TRIM33: variants seen among roughly 807,000 people sequenced by gnomAD.
The protein encoded by TRIM33 is tripartite motif containing 33, also known as E3 ubiquitin-protein ligase TRIM33.
Under a neutral mutation model 125.4 loss-of-function variants are expected in TRIM33, and 20 were observed. That is an observed-to-expected ratio of 0.16 (90% CI 0.11 to 0.23). The LOEUF (loss-of-function observed/expected upper bound fraction) is 0.23. Among genes scored for constraint, TRIM33 ranks in the 10% least tolerant of loss-of-function variants. The pLI, the probability that TRIM33 is intolerant of heterozygous loss-of-function variation, is 1.00. For synonymous variants in TRIM33, 564 were observed against 513.9 expected, an observed-to-expected ratio of 1.10 and a Z score of -1.32; for missense variants, 920 against 1,411.4, an observed-to-expected ratio of 0.65 and a Z score of 5.58.
At chr1:114,484,236 C>T (rs1651531541) in intron 1 of TRIM33, among the ~76,000 whole-genome samples, 1 of 152,182 alleles carries the variant, frequency 6.6e-6, no homozygotes, top group Non-Finnish European at 1.5e-5. Context: ...TGGAAACTTA[C>T]AGACTTAAAT....
At chr1:114,490,081 T>A (rs1651957546) in intron 1 of TRIM33, among the ~76,000 whole-genome samples, 2 of 63,360 alleles carry the variant, frequency 3.2e-5, no homozygotes, top group Non-Finnish European at 5.5e-5. Context: ...CGAGACTCCG[T>A]CTCAAAAAAA....
intron 1 of TRIM33, among the ~76,000 whole-genome samples, chr1:114,470,312 TTC>T (rs1312190782): frequency 2.0e-5 from 3 of 152,198 alleles, no homozygotes; most frequent in African/African-American, 7.2e-5. Flanking sequence ...CTGTGCGTCT[TTC>T]TGTTACATTT....
intron 1 of TRIM33, among the ~76,000 whole-genome samples, chr1:114,506,574 C>T (rs545836475): frequency 6.6e-6 from 1 of 152,148 alleles, no homozygotes; most frequent in Non-Finnish European, 1.5e-5. Context: ...TGCTATGTTA[C>T]TCAGGCTGAT....
intron 1 of TRIM33, among the ~76,000 whole-genome samples, chr1:114,474,003 G>A (rs1484204845): frequency 6.6e-6 from 1 of 152,064 alleles, no homozygotes; most frequent in East Asian, 1.9e-4. Flanking sequence ...GGCTTAAGCA[G>A]TCCTCCTGCA....
chr1:114,417,736 G>A (rs2101131007), intron 11 of TRIM33, among the ~76,000 whole-genome samples: 1 of 152,184 alleles, frequency 6.6e-6, no homozygotes, highest in South Asian at 2.1e-4. Flanking sequence ...TCGGCTCACT[G>A]GAACCTCCAC....
Position 114,397,317 on chromosome 1 carries a change from C to G in TRIM33, c.*331G>C, listed in dbSNP as rs979674994. On this transcript the variant is annotated 3_prime_UTR_variant, in exon 20 of 20. Transcript: ENST00000358465. ...AAGTATTTACTCGTATACCAAGTAT[C>G]CTGCACCAATCAATAGCACACAATC... is the stretch of plus-strand genomic sequence containing the variant. 2 of 384,064 alleles carry G rather than the reference C, an allele frequency of 5.2e-6. No homozygotes were observed. Among genetic ancestry groups the G allele is most frequent in the Non-Finnish European group, 9.5e-6 (2 of 211,140 alleles). 23.8% of individuals were successfully genotyped at this position (384,064 alleles called of 1,614,324 possible). A position where few individuals can be genotyped will look rare whatever the true frequency, so the allele number is the denominator to read the frequency against.
At chr1:114,490,333 C>A (rs1651987422) in intron 1 of TRIM33, among the ~76,000 whole-genome samples, 1 of 151,952 alleles carries the variant, frequency 6.6e-6, no homozygotes, top group African/African-American at 2.4e-5. Flanking sequence ...AAATCAAAAC[C>A]ACAATGAAAT....
Position 114,489,729 on chromosome 1 carries a change from A to G in TRIM33, c.526+20822T>C, listed in dbSNP as rs571318541. 2.0e-5 allele frequency among the ~76,000 whole-genome samples: 3 copies of G among 152,302 alleles called. No individual in the cohort carries two copies. The South Asian group carries it at 6.2e-4, about 32-fold the overall frequency. ...CACTGCACTCCAGCCTGGGGAACAG[A>G]GCAAGACCCTGTCTCAAAAAATAAA... is the stretch of plus-strand genomic sequence containing the variant. On this transcript the variant is annotated intron_variant, in intron 1 of 19. Coordinates refer to ENST00000358465, the MANE Select transcript of TRIM33 (RefSeq NM_015906.4).
rs1381254367 is a variant in TRIM33 at position 114,510,889 on chromosome 1, T to A, written c.188A>T (p.Asp63Val). 1 of 1,442,166 alleles carries A rather than the reference T, an allele frequency of 6.9e-7. No individual in the cohort carries two copies. 89.3% of individuals were successfully genotyped at this position (1,442,166 alleles called of 1,614,324 possible). ...GGAGGCCGCGGCCACCCCCCCGTCGTCGGGCCCGGCCGCGCCGCCCTCAGC... is the reference window on the plus strand; with the variant it reads ...GGAGGCCGCGGCCACCCCCCCGTCGACGGGCCCGGCCGCGCCGCCCTCAGC... ...AGAEGGAAGP[D>V]DGGVAAASSG... Residue 63 changes from aspartate to valine, a missense_variant, in exon 1 of 20, where the codon GAC becomes GTC. Asp to Val is a radical substitution (Grantham distance 152). This residue lies in a region of TRIM33 where 233 missense variants were observed against 189.6 expected (regional missense o/e 1.23). Coordinates refer to ENST00000358465, the MANE Select transcript of TRIM33 (RefSeq NM_015906.4).
chr1:114,446,812 C>T (rs920710778), intron 4 of TRIM33, among the ~76,000 whole-genome samples: 2 of 152,054 alleles, frequency 1.3e-5, no homozygotes, highest in South Asian at 2.1e-4. Context: ...CCCAACACTT[C>T]GGGAGGCAGA....
intron 1 of TRIM33, among the ~76,000 whole-genome samples, chr1:114,480,521 TAAA>T (rs34437164): frequency 3.7e-5 from 4 of 108,600 alleles, no homozygotes; most frequent in South Asian, 3.0e-4. Context: ...TGCCCCGCCT[TAAA>T]AAAAAAAAAA....
At chr1:114,398,898 CAAA>C (rs372853872) in intron 18 of TRIM33, among the ~76,000 whole-genome samples, 1 of 60,798 alleles carries the variant, frequency 1.6e-5, no homozygotes, top group Non-Finnish European at 3.2e-5. Context: ...AACTTACCCT[CAAA>C]AAAAAAAAAA....
intron 1 of TRIM33, among the ~76,000 whole-genome samples, chr1:114,470,203 T>C (rs1260127621): frequency 6.6e-6 from 1 of 152,254 alleles, no homozygotes. Context: ...TTTAGCTTTA[T>C]ACTGCTTCAC....
chr1:114,435,307 C>T (rs1249957371), intron 4 of TRIM33, among the ~76,000 whole-genome samples: 1 of 152,122 alleles, frequency 6.6e-6, no homozygotes. Flanking sequence ...TCAGTGAGAT[C>T]AGCAGATTTG....
chr1:114,421,892 A>T (rs545501601), intron 10 of TRIM33, among the ~76,000 whole-genome samples: 2 of 152,328 alleles, frequency 1.3e-5, no homozygotes, highest in East Asian at 3.9e-4. Context: ...ATTTCAGAAG[A>T]AGGAAGTATG....
chr1:114,459,777 T>C (rs552990982), intron 4 of TRIM33, among the ~76,000 whole-genome samples: 41 of 152,166 alleles, frequency 2.7e-4, no homozygotes, highest in Admixed American at 1.4e-3. Context: ...CATATATATA[T>C]ACAGTTAAAC....
chr1:114,454,470 G>C lies in TRIM33; in HGVS notation c.923+8634C>G, dbSNP rs532435466. Among the ~76,000 whole-genome samples, 48 of 152,152 alleles carry C rather than the reference G, an allele frequency of 3.2e-4. 1 individual carries two copies. Among genetic ancestry groups the C allele is most frequent in the Admixed American group, 6.6e-4 (10 of 15,266 alleles). ...AGAGGTCCTGGAGGAAGGACTGCTT[G>C]AGCCCAGGAGTTCAAGACCAGCCTG... On this transcript the variant is annotated intron_variant, in intron 4 of 19. Transcript: ENST00000358465.
At chr1:114,503,990 TCA>T (rs1652850416) in intron 1 of TRIM33, among the ~76,000 whole-genome samples, 1 of 152,216 alleles carries the variant, frequency 6.6e-6, no homozygotes, top group Non-Finnish European at 1.5e-5. Flanking sequence ...TCCCACTTCA[TCA>T]CACAGAGCTT....
chr1:114,479,236 T>C (rs555386366), intron 1 of TRIM33, among the ~76,000 whole-genome samples: 5 of 151,864 alleles, frequency 3.3e-5, no homozygotes, highest in South Asian at 2.1e-4. Flanking sequence ...AGCAAAGAAA[T>C]AGAAAAAATG....
Sources: gnomAD v4.1 joint callset for allele counts (sites outside exome capture counted in the v4.1 genomes callset) on GRCh38, gnomAD v4.1.1 for gene constraint, gnomAD v4.1.1 regional missense constraint, MANE v1.5 for transcripts, NCBI Gene and HGNC (gene_info 2026-07-23, HGNC 2026-07-21) for gene names.